Variants in CTH observed in about 807,000 individuals in gnomAD.
The protein encoded by CTH is cystathionine gamma-lyase, also known as cystathionase (cystathionine gamma-lyase).
CTH carries 41 observed loss-of-function variants against 50.6 expected under a neutral mutation model. The observed-to-expected ratio is 0.81, with a 90% CI of 0.63 to 1.05. The LOEUF (loss-of-function observed/expected upper bound fraction) is 1.05. Among genes scored for constraint, CTH ranks in the 50% least tolerant of loss-of-function variants. The pLI is 0.00. For missense variants in CTH, 470 were observed against 492.6 expected (o/e 0.95, Z 0.43); for synonymous variants, 156 against 168.9 (o/e 0.92, Z 0.59).
Position 70,415,973 on chromosome 1 carries a change from T to C in CTH, c.186T>C (p.Arg62=). The part of the protein sequence containing the change: ...PGQHSGFEYS[R]SGNPTRNCLE... ...TTTTTCAGGGTTTTGAATATAGCCG[T>C]TCTGGAAATCCCACTAGGAATTGCC... is the stretch of plus-strand genomic sequence containing the variant. Residue 62 remains arginine (R), a synonymous_variant, in exon 2 of 12, where the codon CGT becomes CGC. Coordinates refer to ENST00000370938, the MANE Select transcript of CTH (RefSeq NM_001902.6). 6.2e-7 allele frequency: 1 copy of C among 1,609,454 alleles called. No individual in the cohort carries two copies. The highest frequency in any genetic ancestry group is 8.5e-7 in the Non-Finnish European group (1 of 1,175,744).
chr1:70,438,406 C>T (rs576540705), intron 10 of CTH, among the ~76,000 whole-genome samples: 4 of 152,092 alleles, frequency 2.6e-5, no homozygotes, highest in African/African-American at 9.7e-5. Context: ...TATGCCTTAC[C>T]CTACTGCATG....
Position 70,411,365 on chromosome 1 carries a change from C to G in CTH, c.-51C>G, listed in dbSNP as rs1401117524. 6.2e-7 allele frequency: 1 copy of G among 1,605,956 alleles called. No individual in the cohort carries two copies. Among genetic ancestry groups the G allele is most frequent in the African/African-American group, 1.3e-5 (1 of 74,766 alleles). On this transcript the variant is annotated 5_prime_UTR_variant, in exon 1 of 12. Coordinates refer to ENST00000370938, the MANE Select transcript of CTH (RefSeq NM_001902.6). Reference sequence around the variant, plus strand: ...CCCAACCCCGGACACCCGGCTTCGACTGGTTATATCTTCGGTGTTCTTTTC... The same window carrying G: ...CCCAACCCCGGACACCCGGCTTCGAGTGGTTATATCTTCGGTGTTCTTTTC...
At chr1:70,411,773 T>A (rs1683970873) in intron 1 of CTH, 190 bp downstream of exon 1, 1 of 798,722 alleles carries the variant, frequency 1.3e-6, no homozygotes, top group Non-Finnish European at 1.5e-6. Flanking sequence ...TTTCTTTTGA[T>A]AAGCAGGACT....
rs1683953416 is a variant in CTH, at chr1:70,411,275, T to C, written c.-141T>C. ...CCCCAACAATCGCTGTGTGCCGCTTTAGTGCGCTCGCCGTCGGCTCTACCT... is the reference window on the plus strand; with the variant it reads ...CCCCAACAATCGCTGTGTGCCGCTTCAGTGCGCTCGCCGTCGGCTCTACCT... On this transcript the variant is annotated 5_prime_UTR_variant, in exon 1 of 12. Transcript: ENST00000370938. 1.2e-6 allele frequency: 1 copy of C among 840,844 alleles called. No homozygotes were observed. The highest frequency in any genetic ancestry group is 2.1e-6 in the Non-Finnish European group (1 of 476,750). The allele number at this position is 840,844 out of a possible 1,614,324, so 52.1% of individuals were successfully genotyped here.
At chr1:70,439,024 A>G (rs1302190335) in intron 11 of CTH, 77 bp from the exon 12 acceptor site, 21 of 1,541,006 alleles carry the variant, frequency 1.4e-5, no homozygotes, top group Non-Finnish European at 1.8e-5. Flanking sequence ...TAGTATTCAG[A>G]AAAAGGACTT....
At chr1:70,415,851 A>T (rs1684078752) in intron 1 of CTH, 105 bp from the exon 2 acceptor site, 5 of 737,768 alleles carry the variant, frequency 6.8e-6, no homozygotes, top group Non-Finnish European at 1.2e-5. Flanking sequence ...ATCATGACTA[A>T]AGAATAGAAA....
In CTH at chr1:70,411,320, C is replaced by T; in HGVS notation, c.-96C>T. The T allele has an allele frequency of 4.6e-6, 6 of 1,292,528 alleles. No individual in the cohort carries two copies. Among genetic ancestry groups the T allele is most frequent in the Non-Finnish European group, 6.8e-6 (6 of 887,230 alleles). The allele number at this position is 1,292,528 out of a possible 1,614,324, so 80.1% of individuals were successfully genotyped here. A position where few individuals can be genotyped will look rare whatever the true frequency, so the allele number is the denominator to read the frequency against. On this transcript the variant is annotated 5_prime_UTR_variant, in exon 1 of 12. Coordinates refer to ENST00000370938, the MANE Select transcript of CTH (RefSeq NM_001902.6). ...CTACCTGCGTGCTTTAGCTCCTTCTCGCCTGATCCTTCTGTCTCTCCCAAC... is the reference window on the plus strand; with the variant it reads ...CTACCTGCGTGCTTTAGCTCCTTCTTGCCTGATCCTTCTGTCTCTCCCAAC...
intron 3 of CTH, among the ~76,000 whole-genome samples, chr1:70,418,479 A>C (rs1271690373): frequency 6.6e-6 from 1 of 152,150 alleles, no homozygotes; most frequent in East Asian, 1.9e-4. Context: ...GGAACTCCTG[A>C]GCTCAAGTGA....
Position 70,438,842 on chromosome 1 carries a change from G to T in CTH, c.1191+16G>T, listed in dbSNP as rs1684656333. 1 of 1,252,434 alleles carries T rather than the reference G, an allele frequency of 8.0e-7. No individual in the cohort carries two copies. The highest frequency in any genetic ancestry group is 1.3e-5 in the South Asian group (1 of 74,976). The allele number at this position is 1,252,434 out of a possible 1,614,324, so 77.6% of individuals were successfully genotyped here. On this transcript the variant is annotated intron_variant, in intron 11 of 11. Transcript: ENST00000370938. ...GAAGGCAGCAGTAAGTCTTATTATT[G>T]TGTGTGTGTGTGTGTGTGTGTGTGT...
chr1:70,412,976 G>A (rs1387852170), intron 1 of CTH, among the ~76,000 whole-genome samples: 1 of 152,122 alleles, frequency 6.6e-6, no homozygotes, highest in East Asian at 1.9e-4. Context: ...AGCCCTCTTT[G>A]TTAATCACAT....
At chr1:70,416,070 A>C in intron 2 of CTH, 33 bp downstream of exon 2, 1 of 1,204,934 alleles carries the variant, frequency 8.3e-7, no homozygotes, top group Non-Finnish European at 1.2e-6. Context: ...TCTAGAATCT[A>C]TTTTTAAATG....
chr1:70,432,555 C>CA (rs1199816682), intron 8 of CTH, among the ~76,000 whole-genome samples: 2 of 152,070 alleles, frequency 1.3e-5, no homozygotes, highest in African/African-American at 4.8e-5. Context: ...TTAGACTTTT[C>CA]AGTTGATTTG....
Position 70,418,195 on chromosome 1 carries a change from G to A in CTH, c.346+163G>A, listed in dbSNP as rs149894454. ...CTCTCTCAGACTTGGGAAAAGAGGA[G>A]CATAAACACTTAGGGTCCATGTTCT... On this transcript the variant is annotated intron_variant, in intron 3 of 11. Coordinates refer to ENST00000370938, the MANE Select transcript of CTH (RefSeq NM_001902.6). 1.6e-3 allele frequency among the ~76,000 whole-genome samples: 249 copies of A among 152,228 alleles called. 2 individuals are homozygous for A. The highest frequency in any genetic ancestry group is 4.6e-3 in the South Asian group (22 of 4,814).
At chr1:70,435,278 C>A in intron 10 of CTH, 101 bp downstream of exon 10, 2 of 1,096,596 alleles carry the variant, frequency 1.8e-6, no homozygotes, top group Non-Finnish European at 2.7e-6. Context: ...AGATATTTAA[C>A]AATAAGAATA....
At chr1:70,418,069 T>C in intron 3 of CTH, 37 bp downstream of exon 3, 1 of 1,595,280 alleles carries the variant, frequency 6.3e-7, no homozygotes. Context: ...TGTAAACTTG[T>C]ATTTTACAGA....
At chr1:70,437,590 C>A (rs1316070194) in intron 10 of CTH, among the ~76,000 whole-genome samples, 1 of 152,130 alleles carries the variant, frequency 6.6e-6, no homozygotes, top group African/African-American at 2.4e-5. Flanking sequence ...GTTTGTTGGT[C>A]TCTGAGACCT....
intron 1 of CTH, among the ~76,000 whole-genome samples, chr1:70,411,900 T>C (rs184829760): frequency 1.7e-4 from 26 of 152,312 alleles, no homozygotes; most frequent in Non-Finnish European, 3.7e-4. Context: ...TTTAGCAGCA[T>C]AAATTTTAAA....
chr1:70,419,272 C>T (rs1227362019), intron 3 of CTH, among the ~76,000 whole-genome samples: 2 of 151,952 alleles, frequency 1.3e-5, no homozygotes, highest in African/African-American at 4.8e-5. Context: ...CGAATAGTGC[C>T]GCAATAAACA....
chr1:70,435,014 G>A, intron 9 of CTH, 111 bp from the exon 10 acceptor site: 1 of 987,626 alleles, frequency 1.0e-6, no homozygotes, highest in Admixed American at 2.2e-5. Context: ...GCCTCCCAAA[G>A]TGCTGGGATT....
Sources: allele counts gnomAD v4.1 joint callset (sites outside exome capture counted in the v4.1 genomes callset), GRCh38; gene constraint gnomAD v4.1.1; transcripts MANE v1.5; gene names NCBI Gene and HGNC (gene_info 2026-07-23, HGNC 2026-07-21).